The following KLHDC10 variants were observed in gnomAD, a reference collection of about 807,000 sequenced individuals.
KLHDC10 encodes the protein kelch domain containing 10.
Under a neutral mutation model 56.1 loss-of-function variants are expected in KLHDC10, and 24 were observed. The ratio of observed to expected loss-of-function variants is 0.43; its 90% CI spans 0.31 to 0.60. The LOEUF is 0.60. KLHDC10 is among the 20% of genes least tolerant of loss of function. The pLI is 0.11. For missense variants in KLHDC10, 349 were observed against 567.0 expected, an observed-to-expected ratio of 0.62 and a Z score of 3.91; for synonymous variants, 188 against 207.1, an observed-to-expected ratio of 0.91 and a Z score of 0.79.
intron 1 of KLHDC10, among the ~76,000 whole-genome samples, chr7:130,093,036 T>C (rs1169503481): frequency 6.6e-6 from 1 of 151,948 alleles, no homozygotes; most frequent in African/African-American, 2.4e-5. Context: ...TTTTTTGTTA[T>C]TTGGGAGATT....
At chr7:130,107,643 A>C (rs975633654) in intron 2 of KLHDC10, among the ~76,000 whole-genome samples, 17 of 151,938 alleles carry the variant, frequency 1.1e-4, no homozygotes, top group African/African-American at 4.1e-4. Flanking sequence ...CAAGAATTCA[A>C]GACCAGCCTG....
At chr7:130,114,230 AAAAC>A (rs1158558079) in intron 2 of KLHDC10, among the ~76,000 whole-genome samples, 1 of 152,238 alleles carries the variant, frequency 6.6e-6, no homozygotes, top group Non-Finnish European at 1.5e-5. Flanking sequence ...TTGGAAAAGA[AAAAC>A]AAACTGACAA....
intron 3 of KLHDC10, among the ~76,000 whole-genome samples, chr7:130,119,467 G>A (rs1452247690): frequency 1.3e-5 from 2 of 149,312 alleles, no homozygotes; most frequent in Non-Finnish European, 3.0e-5. Context: ...AGCCGTGATC[G>A]TGTCACTGAA....
chr7:130,118,009 C>T, intron 3 of KLHDC10, among the ~76,000 whole-genome samples: 1 of 151,592 alleles, frequency 6.6e-6, no homozygotes, highest in East Asian at 1.9e-4. Flanking sequence ...ACAAAAAACA[C>T]ACACACAAAA....
intron 1 of KLHDC10, among the ~76,000 whole-genome samples, chr7:130,078,129 A>G (rs897422988): frequency 2.0e-5 from 3 of 149,900 alleles, no homozygotes; most frequent in Non-Finnish European, 4.4e-5. Context: ...GCACTTTAGG[A>G]GGCTGAGGCG....
chr7:130,135,110 A>C lies in KLHDC10; in HGVS notation c.*4364A>C, dbSNP rs1218626878. 10 of 140,602 alleles carry C rather than the reference A, an allele frequency of 7.1e-5. No homozygotes were observed. Among genetic ancestry groups the C allele is most frequent in the East Asian group, 2.1e-4 (1 of 4,860 alleles). The allele number at this position is 140,602 out of a possible 1,614,324, so 8.7% of individuals were successfully genotyped here. A position where few individuals can be genotyped will look rare whatever the true frequency, so the allele number is the denominator to read the frequency against. Reference sequence around the variant, plus strand: ...TAATTTGAAAAAAAAAAAAAAAAAAAAACAACTTTTTATAAGTTTTTTAAG... The same window carrying C: ...TAATTTGAAAAAAAAAAAAAAAAAACAACAACTTTTTATAAGTTTTTTAAG... On this transcript the variant is annotated 3_prime_UTR_variant, in exon 10 of 10. Coordinates refer to ENST00000335420, the MANE Select transcript of KLHDC10 (RefSeq NM_014997.4).
chr7:130,070,721 G>A lies in KLHDC10; in HGVS notation c.78G>A (p.Gly26=). 7.8e-7 allele frequency: 1 copy of A among 1,284,134 alleles called. No homozygotes were observed. Among genetic ancestry groups the A allele is most frequent in the Non-Finnish European group, 9.9e-7 (1 of 1,012,686 alleles). 79.5% of individuals were successfully genotyped at this position (1,284,134 alleles called of 1,614,324 possible). A position where few individuals can be genotyped will look rare whatever the true frequency, so the allele number is the denominator to read the frequency against. The change falls in exon 1 of 10, where the codon GGG becomes GGA. Residue 26 remains glycine (G), a synonymous_variant. Coordinates refer to ENST00000335420, the MANE Select transcript of KLHDC10 (RefSeq NM_014997.4). The stretch of plus-strand genomic sequence containing the variant: ...CCGGCGCTGGTGGCGGAGGTAGCGG[G>A]GCCGGCGGGGGCAGTGGGGGCAGCG... ...GAAGAGGGGS[G]AGGGSGGSGG...
chr7:130,070,563 G>C lies in KLHDC10; in HGVS notation c.-81G>C. 1 of 1,226,306 alleles carries C rather than the reference G, an allele frequency of 8.2e-7. No individual in the cohort carries two copies. The highest frequency in any genetic ancestry group is 1.0e-6 in the Non-Finnish European group (1 of 969,098). 76.0% of individuals were successfully genotyped at this position (1,226,306 alleles called of 1,614,324 possible). A position where few individuals can be genotyped will look rare whatever the true frequency, so the allele number is the denominator to read the frequency against. On this transcript the variant is annotated 5_prime_UTR_variant, in exon 1 of 10. Coordinates refer to ENST00000335420, the MANE Select transcript of KLHDC10 (RefSeq NM_014997.4). The stretch of plus-strand genomic sequence containing the variant: ...CCTTCCCCTGTCTCCTGGGTCTCTG[G>C]AGGAGCCCAGGAAGGAGGCTCCGCT...
chr7:130,128,889 A>AAAAAAAATATATATATATATAT, intron 8 of KLHDC10, among the ~76,000 whole-genome samples: 25 of 66,940 alleles, frequency 3.7e-4, no homozygotes, highest in Non-Finnish European at 6.1e-4. Context: ...AAAAAAAAAA[A>AAAAAAAATATATATATATATAT]ATATATATAT....
rs148233741 is a variant in KLHDC10 at position 130,081,832 on chromosome 7, C to T, written c.166+11023C>T. ...ACTTTCAATGAAGATTTCATTTCTG[C>T]GTTGGTTTTATTTTTCCCTTCCATT... is the stretch of plus-strand genomic sequence containing the variant. On this transcript the variant is annotated intron_variant, in intron 1 of 9. Coordinates refer to ENST00000335420, the MANE Select transcript of KLHDC10 (RefSeq NM_014997.4). 3.1e-3 allele frequency among the ~76,000 whole-genome samples: 465 copies of T among 152,230 alleles called. 3 individuals are homozygous for T. The highest frequency in any genetic ancestry group is 0.01 in the African/African-American group (435 of 41,528).
intron 2 of KLHDC10, among the ~76,000 whole-genome samples, chr7:130,107,913 G>A (rs1426332248): frequency 6.7e-6 from 1 of 150,344 alleles, no homozygotes; most frequent in African/African-American, 2.5e-5. Context: ...TACTCTGGAG[G>A]CTGAGGGTGG....
chr7:130,111,696 GAGCGACAGAGTA>G (rs1796103752), intron 2 of KLHDC10, among the ~76,000 whole-genome samples: 1 of 152,066 alleles, frequency 6.6e-6, no homozygotes, highest in Non-Finnish European at 1.5e-5. Context: ...CACTCAGCCT[GAGCGACAGAGTA>G]AGACCCTGTC....
intron 2 of KLHDC10, among the ~76,000 whole-genome samples, chr7:130,107,593 C>G (rs186991778): frequency 2.0e-5 from 3 of 152,142 alleles, no homozygotes; most frequent in Non-Finnish European, 4.4e-5. Flanking sequence ...CCTGTAATCC[C>G]AGCGCTTTGG....
At chr7:130,108,725 CA>C (rs200535259) in intron 2 of KLHDC10, among the ~76,000 whole-genome samples, 16,617 of 86,280 alleles carry the variant, frequency 0.19, 1,120 homozygotes, top group East Asian at 0.37. Context: ...CCATCTCAAA[CA>C]AAAAAAAAAA....
chr7:130,112,921 G>A (rs1317080225), intron 2 of KLHDC10, among the ~76,000 whole-genome samples: 1 of 152,126 alleles, frequency 6.6e-6, no homozygotes, highest in African/African-American at 2.4e-5. Flanking sequence ...GGCTGGATCA[G>A]CACTGTGTCA....
intron 1 of KLHDC10, 149 bp downstream of exon 1, chr7:130,070,958 G>A: frequency 2.1e-6 from 1 of 467,774 alleles, no homozygotes; most frequent in African/African-American, 2.0e-5. Flanking sequence ...AAGGGAAGGT[G>A]TCTTTGAGGT....
In KLHDC10 at chr7:130,126,529, A is replaced by G. The variant is rs574198925; in HGVS notation, c.931+598A>G. ...CATCTCTACTAAAAATGTAAAAATT[A>G]GCTGGGCGTGGTGGCATGTACCTGT... On this transcript the variant is annotated intron_variant, in intron 7 of 9. Transcript: ENST00000335420. Among the ~76,000 whole-genome samples, 5 of 151,480 alleles carry G rather than the reference A, an allele frequency of 3.3e-5. No individual in the cohort carries two copies. In the East Asian group the frequency reaches 9.8e-4, roughly 30 times the overall value.
rs188802670 is a variant in KLHDC10, at chr7:130,084,975, C to G, written c.167-11946C>G. ...AAGTAATCTTTACATTAAAAAAAAT[C>G]AAACTCAAGGGAGATGGTGAGGCTC... On this transcript the variant is annotated intron_variant, in intron 1 of 9. Transcript: ENST00000335420. Among the ~76,000 whole-genome samples, 4 of 152,134 alleles carry G rather than the reference C, an allele frequency of 2.6e-5. No individual in the cohort carries two copies. The East Asian group carries it at 7.7e-4, about 29-fold the overall frequency.
chr7:130,098,283 A>G (rs1275045413), intron 2 of KLHDC10, among the ~76,000 whole-genome samples: 3 of 152,280 alleles, frequency 2.0e-5, no homozygotes, highest in African/African-American at 7.2e-5. Context: ...GCTTGAGCCC[A>G]GGAGTTCAAG....
Sources: allele counts gnomAD v4.1 joint callset (sites outside exome capture counted in the v4.1 genomes callset), GRCh38; gene constraint gnomAD v4.1.1; transcripts MANE v1.5; gene names NCBI Gene and HGNC (gene_info 2026-07-23, HGNC 2026-07-21).